The following ATCAY variants were observed in gnomAD, a reference collection of about 807,000 sequenced individuals.
ATCAY encodes the protein ATCAY kinesin light chain interacting caytaxin.
A neutral mutation model predicts 47.7 loss-of-function variants in ATCAY; 22 were observed. That is an observed-to-expected ratio of 0.46 (90% confidence interval 0.33 to 0.66). The LOEUF is 0.66. ATCAY is among the 30% of genes least tolerant of loss of function. The pLI is 0.02. For missense variants in ATCAY, 452 were observed against 515.0 expected (o/e 0.88, Z 1.18); for synonymous variants, 216 against 207.6 (o/e 1.04, Z -0.35).
chr19:3,912,438 G>A (rs1025246099), intron 8 of ATCAY, among the ~76,000 whole-genome samples: 2 of 152,072 alleles, frequency 1.3e-5, no homozygotes, highest in Non-Finnish European at 2.9e-5. Flanking sequence ...AGCCTCCCGA[G>A]CAGCTGGGAC....
At chr19:3,922,252 C>G (rs1043020632) in intron 12 of ATCAY, 74 of 699,568 alleles carry the variant, frequency 1.1e-4, no homozygotes, top group Non-Finnish European at 1.2e-4. Flanking sequence ...TCTCATGCTG[C>G]TATGAAGAAA....
rs2038906306 is a variant in ATCAY, at chr19:3,909,668, G to A, written c.779+51G>A. On this transcript the variant is annotated intron_variant, in intron 7 of 12. Transcript: ENST00000450849. ...ACAGTGGGGGCATGAAAATCACACAGGGGGCTGGACATGGTGGCTCACACC... is the reference window on the plus strand; with the variant it reads ...ACAGTGGGGGCATGAAAATCACACAAGGGGCTGGACATGGTGGCTCACACC... 7 of 1,546,138 alleles carry A rather than the reference G, an allele frequency of 4.5e-6. No homozygotes were observed. In the South Asian group the frequency reaches 8.3e-5, roughly 18 times the overall value.
Position 3,887,713 on chromosome 19 carries a change from T to TC in ATCAY, c.77+1870dup, listed in dbSNP as rs1568443490. Among the ~76,000 whole-genome samples, 6 of 149,844 alleles carry TC rather than the reference T, an allele frequency of 4.0e-5. No homozygotes were observed. In the East Asian group the frequency reaches 1.2e-3, roughly 31 times the overall value. Reference sequence around the variant, plus strand: ...ATGTTAGCCAGGATGGTCTCGATCGTCTGACCTCGTGATCCGCCCACCTCG... The same window carrying TC: ...ATGTTAGCCAGGATGGTCTCGATCGTCCTGACCTCGTGATCCGCCCACCTCG... On this transcript the variant is annotated intron_variant, in intron 2 of 12. Coordinates refer to ENST00000450849, the MANE Select transcript of ATCAY (RefSeq NM_033064.5).
Position 3,907,653 on chromosome 19 carries a change from A to G in ATCAY, c.359-81A>G, listed in dbSNP as rs1393210823. The stretch of plus-strand genomic sequence containing the variant: ...GGGTCCCGGCAGCGAGGGAGGTGGG[A>G]GAGGGGAAGGAAGGCTGAGCAGGAG... On this transcript the variant is annotated intron_variant, in intron 4 of 12. Coordinates refer to ENST00000450849, the MANE Select transcript of ATCAY (RefSeq NM_033064.5). This position sits in a 1 kb window ranked among gnomAD's most constrained non-coding sequence, Gnocchi z 5.1. The G allele has an allele frequency of 6.5e-7, 1 of 1,532,394 alleles. No homozygotes were observed. The highest frequency in any genetic ancestry group is 2.3e-5 in the East Asian group (1 of 43,522). 94.9% of individuals were successfully genotyped at this position (1,532,394 alleles called of 1,614,324 possible).
chr19:3,909,724 G>A, intron 7 of ATCAY, 107 bp downstream of exon 7: 2 of 1,463,886 alleles, frequency 1.4e-6, no homozygotes, highest in Non-Finnish European at 1.8e-6. Flanking sequence ...AGGCTGAGGT[G>A]GGAAGGTCCC....
At chr19:3,884,748 C>T (rs59230837) in intron 1 of ATCAY, among the ~76,000 whole-genome samples, 4,883 of 152,072 alleles carry the variant, frequency 0.032, 170 homozygotes, top group South Asian at 0.18. Context: ...CTCTCTGTGC[C>T]TCTGTTTTCT....
intron 2 of ATCAY, among the ~76,000 whole-genome samples, chr19:3,902,179 A>C (rs1483412625): frequency 2.4e-4 from 36 of 151,524 alleles, no homozygotes; most frequent in Admixed American, 2.0e-3. Context: ...AAAATTAGCC[A>C]GCCGTGGTGG....
In ATCAY at chr19:3,915,053, T is replaced by C. The variant is rs561409183; in HGVS notation, c.965+1197T>C. Among the ~76,000 whole-genome samples the C allele has an allele frequency of 2.0e-3, 299 of 152,314 alleles. 1 individual carries two copies. Among genetic ancestry groups the C allele is most frequent in the African/African-American group, 6.7e-3 (280 of 41,586 alleles). On this transcript the variant is annotated intron_variant, in intron 9 of 12. Transcript: ENST00000450849. The stretch of plus-strand genomic sequence containing the variant: ...CTGTTGTTTTTCACTGAATGTCATA[T>C]CATCGGCACCTCCCCTAGGTTCATG...
chr19:3,921,340 G>A (rs1461176768), intron 12 of ATCAY, among the ~76,000 whole-genome samples: 2 of 147,968 alleles, frequency 1.4e-5, no homozygotes, highest in Admixed American at 6.8e-5. Context: ...GCAAGACCCC[G>A]TCCCTAAAAA....
intron 2 of ATCAY, among the ~76,000 whole-genome samples, chr19:3,886,330 T>C (rs932000201): frequency 8.6e-5 from 13 of 150,806 alleles, no homozygotes; most frequent in Admixed American, 2.6e-4. Flanking sequence ...CAGTGACTCA[T>C]GCCTGTAATC....
chr19:3,895,780 A>C (rs1599281491), intron 2 of ATCAY, among the ~76,000 whole-genome samples: 1 of 147,246 alleles, frequency 6.8e-6, no homozygotes, highest in East Asian at 2.0e-4. Flanking sequence ...AGTGGTGCCA[A>C]TCACAGCTCA....
In ATCAY at chr19:3,917,893, G is replaced by A; in HGVS notation, c.1001+116G>A. On this transcript the variant is annotated intron_variant, in intron 10 of 12. Transcript: ENST00000450849. ...CAGCAGGGACCATTGTCCTGTGCAG[G>A]GCTCAAGACGCTGCCCTTCTGGCAA... The A allele has an allele frequency of 3.6e-6, 4 of 1,102,216 alleles. No individual in the cohort carries two copies. In the South Asian group the frequency reaches 6.2e-5, roughly 17 times the overall value. The allele number at this position is 1,102,216 out of a possible 1,614,324, so 68.3% of individuals were successfully genotyped here.
intron 4 of ATCAY, among the ~76,000 whole-genome samples, chr19:3,906,577 A>G (rs2038863203): frequency 6.6e-6 from 1 of 151,922 alleles, no homozygotes; most frequent in Non-Finnish European, 1.5e-5. Context: ...TGCTGGGATC[A>G]CAGGTGTGAG....
In ATCAY at chr19:3,920,763, C is replaced by G. The variant is rs1184769153; in HGVS notation, c.1074-3C>G. ...ACGCCCAGTCTCCGTCTCTCCTCCA[C>G]AGGTCTGCTCTGGTCTCAGAAGATC... On this transcript the variant is annotated splice_polypyrimidine_tract_variant and splice_region_variant and intron_variant, in intron 11 of 12. Coordinates refer to ENST00000450849, the MANE Select transcript of ATCAY (RefSeq NM_033064.5). The G allele has an allele frequency of 3.7e-6, 6 of 1,610,708 alleles. No individual in the cohort carries two copies. The highest frequency in any genetic ancestry group is 5.1e-6 in the Non-Finnish European group (6 of 1,177,902).
chr19:3,916,283 A>G (rs141911382), intron 9 of ATCAY, among the ~76,000 whole-genome samples: 59 of 152,246 alleles, frequency 3.9e-4, no homozygotes, highest in African/African-American at 1.3e-3. Context: ...CATTTTGTCA[A>G]TCCATTTGTC....
At chr19:3,904,493 T>G (rs1330147653) in intron 3 of ATCAY, among the ~76,000 whole-genome samples, 1 of 152,214 alleles carries the variant, frequency 6.6e-6, no homozygotes, top group Non-Finnish European at 1.5e-5. Flanking sequence ...TTTTGCAACA[T>G]CAACTCTTCC....
At position 3,913,752 on chromosome 19, in the gene ATCAY, C is replaced by G. The variant is rs764628915; in HGVS notation, c.867-6C>G. On this transcript the variant is annotated splice_polypyrimidine_tract_variant and splice_region_variant and intron_variant, in intron 8 of 12. Transcript: ENST00000450849. ...TCAGACCTCTCCCTCCTTCTCCCCC[C>G]GCCAGCGTCAAGTTCATCAACAAGA... 8 of 1,613,202 alleles carry G rather than the reference C, an allele frequency of 5.0e-6. No individual in the cohort carries two copies. The highest frequency in any genetic ancestry group is 1.7e-5 in the Admixed American group (1 of 59,904).
At chr19:3,905,253 C>A (rs73537493) in intron 3 of ATCAY, among the ~76,000 whole-genome samples, 181 bp from the exon 4 acceptor site, 12,949 of 152,136 alleles carry the variant, frequency 0.085, 1,008 homozygotes, top group African/African-American at 0.2. Context: ...ATAACATTCA[C>A]CCCTGTCAGG....
In ATCAY at chr19:3,924,630, C is replaced by T; in HGVS notation, c.*38C>T. On this transcript the variant is annotated 3_prime_UTR_variant, in exon 13 of 13. Coordinates refer to ENST00000450849, the MANE Select transcript of ATCAY (RefSeq NM_033064.5). Reference sequence around the variant, plus strand: ...ATAACAAAGGACATGGAAGAAGATTCCAGATGCCAGAAAACCTCTGTCAGA... The same window carrying T: ...ATAACAAAGGACATGGAAGAAGATTTCAGATGCCAGAAAACCTCTGTCAGA... 1.2e-6 allele frequency: 2 copies of T among 1,612,338 alleles called. No individual in the cohort carries two copies. The highest frequency in any genetic ancestry group is 1.7e-6 in the Non-Finnish European group (2 of 1,178,888).
Sources: allele counts gnomAD v4.1 joint callset (sites outside exome capture counted in the v4.1 genomes callset), GRCh38; gene constraint gnomAD v4.1.1; non-coding constraint Gnocchi (gnomAD v3.1); transcripts MANE v1.5; gene names NCBI Gene and HGNC (gene_info 2026-07-23, HGNC 2026-07-21).